CYB5R2: variants seen among roughly 807,000 people sequenced by gnomAD.
The protein encoded by CYB5R2 is NADH-cytochrome b5 reductase 2.
CYB5R2 carries 35 observed loss-of-function variants against 29.8 expected under a neutral mutation model. That is an observed-to-expected ratio of 1.17 (90% confidence interval 0.90 to 1.56). The LOEUF is 1.56. CYB5R2 is among the 40% of genes most tolerant of loss of function. CYB5R2 has a pLI of 0.00. For missense variants in CYB5R2, 419 were observed against 346.7 expected (o/e 1.21, Z -1.66); for synonymous variants, 169 against 130.6 (o/e 1.29, Z -2.01).
In CYB5R2 at chr11:7,673,486, G is replaced by C. The variant is rs1855886377; in HGVS notation, c.-134C>G. On this transcript the variant is annotated 5_prime_UTR_variant, in exon 1 of 9. Coordinates refer to ENST00000299498, the MANE Select transcript of CYB5R2 (RefSeq NM_016229.5). The stretch of plus-strand genomic sequence containing the variant: ...GGGAAAGTTGCCTCTCCTCCCGCCG[G>C]GTCACTGGAGTCTCAGCCTTCCGGA... 1.0e-6 allele frequency: 1 copy of C among 986,400 alleles called. No homozygotes were observed. Among genetic ancestry groups the C allele is most frequent in the Non-Finnish European group, 1.2e-6 (1 of 830,730 alleles). 61.1% of individuals were successfully genotyped at this position (986,400 alleles called of 1,614,324 possible). A position where few individuals can be genotyped will look rare whatever the true frequency, so the allele number is the denominator to read the frequency against.
chr11:7,672,077 C>T, intron 3 of CYB5R2: 1 of 207,210 alleles, frequency 4.8e-6, no homozygotes. Context: ...ACTTTCACAA[C>T]AACCCAAGTG....
chr11:7,669,960 C>G (rs1376570203), intron 3 of CYB5R2: 2 of 516,204 alleles, frequency 3.9e-6, no homozygotes, highest in Admixed American at 7.2e-5. Flanking sequence ...GGGTTTTGGT[C>G]TCTTCATCTG....
In CYB5R2 at chr11:7,665,462, AC is replaced by A. The variant is rs1855061830; in HGVS notation, c.742del (p.Val248CysfsTer7). 1 of 1,613,904 alleles carries A rather than the reference AC, an allele frequency of 6.2e-7. No homozygotes were observed. Among genetic ancestry groups the A allele is most frequent in the Non-Finnish European group, 8.5e-7 (1 of 1,179,912 alleles). The stretch of plus-strand genomic sequence containing the variant: ...CTGGATTAGTGGTGGCGGGCCACAC[AC>A]CAGGATGAGCGTGGACTTCGCTGGA... ...PPPAKSTLIL[V>X]CGPPPLIQTA... is the part of the protein sequence containing the mutation. On this transcript the variant is annotated frameshift_variant, in exon 9 of 9. Coordinates refer to ENST00000299498, the MANE Select transcript of CYB5R2 (RefSeq NM_016229.5). LOFTEE classifies it high-confidence loss of function.
At chr11:7,665,904 T>C (rs1855134474) in intron 8 of CYB5R2, 3 of 1,536,030 alleles carry the variant, frequency 2.0e-6, no homozygotes, top group Non-Finnish European at 1.7e-6. Context: ...TGCGCAGAAT[T>C]GCTCAGTAGG....
rs1855608126 is a variant in CYB5R2, at chr11:7,669,710, G to A, written c.173C>T (p.Ala58Val). The A allele has an allele frequency of 6.2e-7, 1 of 1,613,800 alleles. No individual in the cohort carries two copies. The highest frequency in any genetic ancestry group is 1.3e-5 in the African/African-American group (1 of 74,874). The stretch of plus-strand genomic sequence containing the variant: ...GACCACCAATTCATTATCGATTTTT[G>A]CCAAGAGCTGGACATAGTTACCTAT... ...LPVGNYVQLL[A>V]KIDNELVVRA... is the part of the protein sequence containing the mutation. Residue 58 changes from alanine to valine, a missense_variant, in exon 4 of 9, where the codon GCA becomes GTA. Ala to Val is a moderately conservative substitution (Grantham distance 64). Coordinates refer to ENST00000299498, the MANE Select transcript of CYB5R2 (RefSeq NM_016229.5).
At position 7,672,477 on chromosome 11, in the gene CYB5R2, G is replaced by C. The variant is rs201145173; in HGVS notation, c.125C>G (p.Pro42Arg). ...TRRFRFGLPSPDHVLGLPVGN... is the reference protein window; with the variant it reads ...TRRFRFGLPSRDHVLGLPVGN... ...TACAGGAAGCCCTAAGACATGGTCC[G>C]GCGAAGGCAGTCCAAAGCGGAACCT... The change falls in exon 3 of 9, where the codon CCG becomes CGG. Residue 42 changes from proline to arginine, a missense_variant. Pro to Arg is a moderately radical substitution (Grantham distance 103, BLOSUM62 -2). Transcript: ENST00000299498. The C allele has an allele frequency of 5.0e-6, 8 of 1,614,080 alleles. No homozygotes were observed. Among genetic ancestry groups the C allele is most frequent in the South Asian group, 1.1e-5 (1 of 91,086 alleles).
Position 7,665,433 on chromosome 11 carries a change from C to A in CYB5R2, c.772G>T (p.Ala258Ser), listed in dbSNP as rs781526880. 2.5e-6 allele frequency: 4 copies of A among 1,612,500 alleles called. No individual in the cohort carries two copies. In the African/African-American group the frequency reaches 5.3e-5, roughly 22 times the overall value. The change falls in exon 9 of 9, where the codon GCG (alanine) becomes TCG (serine). Residue 258 changes from alanine to serine, a missense_variant. By Grantham distance (99) the Ala-to-Ser change is moderately conservative (BLOSUM62 1). Coordinates refer to ENST00000299498, the MANE Select transcript of CYB5R2 (RefSeq NM_016229.5). ...AGCTTCTCCAGGTTAGGGTGAGCCG[C>A]CGTCTGGATTAGTGGTGGCGGGCCA... ...VCGPPPLIQTAAHPNLEKLGY... is the reference protein window; with the variant it reads ...VCGPPPLIQTSAHPNLEKLGY...
chr11:7,674,222 A>C (rs960828186), upstream of CYB5R2: 9 of 1,284,624 alleles, frequency 7.0e-6, no homozygotes, highest in South Asian at 1.2e-5. Context: ...TTCATTCGAC[A>C]TACCTCATGG....
intron 3 of CYB5R2, 161 bp from the exon 4 acceptor site, chr11:7,669,892 G>A (rs367908967): frequency 6.4e-6 from 4 of 625,216 alleles, no homozygotes; most frequent in Admixed American, 2.6e-5. Context: ...TGGGATGCCC[G>A]GATCCTAGGC....
At chr11:7,673,375 C>T (rs2136135714) in intron 1 of CYB5R2, 44 bp downstream of exon 1, 2 of 1,000,212 alleles carry the variant, frequency 2.0e-6, no homozygotes, top group Middle Eastern at 5.1e-4. Context: ...GGCCTGGGCA[C>T]TCAACTGCCA....
intron 8 of CYB5R2, 88 bp from the exon 9 acceptor site, chr11:7,665,634 G>A (rs1206772126): frequency 7.2e-7 from 1 of 1,389,224 alleles, no homozygotes; most frequent in Non-Finnish European, 9.7e-7. Flanking sequence ...CCTCAGCCAG[G>A]GAGGAGGTGA....
At chr11:7,669,951 G>C in intron 3 of CYB5R2, 1 of 530,880 alleles carries the variant, frequency 1.9e-6, no homozygotes, top group Non-Finnish European at 3.4e-6. Flanking sequence ...CACCTCTCTG[G>C]GTTTTGGTCT....
intron 3 of CYB5R2, chr11:7,670,969 T>A (rs1027646336): frequency 6.6e-6 from 1 of 151,988 alleles, no homozygotes; most frequent in Non-Finnish European, 1.5e-5. Flanking sequence ...GAGAGATGGA[T>A]AGAAACCAAG....
At chr11:7,673,883 C>G (rs1235675229), upstream of CYB5R2, 1 of 994,478 alleles carries the variant, frequency 1.0e-6, no homozygotes, top group Non-Finnish European at 1.2e-6. Flanking sequence ...CGGGCGGACC[C>G]CGCAGGCTGG....
At chr11:7,665,992 G>T in intron 8 of CYB5R2, 1 of 1,301,822 alleles carries the variant, frequency 7.7e-7, no homozygotes, top group Non-Finnish European at 1.1e-6. Context: ...CGCCTGTGGG[G>T]TGCTCTGTGC....
Position 7,668,659 on chromosome 11 carries a change from A to C in CYB5R2, c.389-98T>G. On this transcript the variant is annotated intron_variant, in intron 5 of 8. Transcript: ENST00000299498. ...CTTAGGACTCCCAGGAGGCACGTCC[A>C]GCTAAGGGACTGTCTGCACCATTTT... The C allele has an allele frequency of 2.0e-6, 2 of 981,824 alleles. 1 individual carries two copies. The highest frequency in any genetic ancestry group is 4.2e-4 in the Middle Eastern group (2 of 4,798). The allele number at this position is 981,824 out of a possible 1,614,324, so 60.8% of individuals were successfully genotyped here.
upstream of CYB5R2, chr11:7,674,154 C>T (rs1855941348): frequency 1.6e-6 from 2 of 1,230,994 alleles, no homozygotes; most frequent in South Asian, 1.4e-5. Context: ...GGTGACCGGG[C>T]GGAGGGGGAT....
chr11:7,666,606 G>T, intron 7 of CYB5R2, 56 bp from the exon 8 acceptor site: 2 of 1,304,738 alleles, frequency 1.5e-6, no homozygotes, highest in Non-Finnish European at 2.2e-6. Flanking sequence ...TTGTTCCCTG[G>T]ACTGACTACA....
upstream of CYB5R2, chr11:7,674,189 G>A: frequency 1.6e-6 from 2 of 1,256,538 alleles, no homozygotes; most frequent in Non-Finnish European, 2.1e-6. Flanking sequence ...AATTCAGGCA[G>A]CTGCAAAGAG....
Sources: allele counts gnomAD v4.1 joint callset, GRCh38; gene constraint gnomAD v4.1.1; transcripts MANE v1.5; gene names NCBI Gene and HGNC (gene_info 2026-07-23, HGNC 2026-07-21).